The following TPI1 variants were observed in gnomAD, a reference collection of about 807,000 sequenced individuals.
TPI1 encodes the protein triosephosphate isomerase 1, also known as triosephosphate isomerase.
A neutral mutation model predicts 31.0 loss-of-function variants in TPI1; 11 were observed. The ratio of observed to expected loss-of-function variants is 0.36; its 90% CI spans 0.22 to 0.59. TPI1 has a LOEUF of 0.59. Ranked by LOEUF, TPI1 falls within the 20% of genes least tolerant of loss-of-function variation. The pLI is 0.79. For missense variants in TPI1, 245 were observed against 319.7 expected, an observed-to-expected ratio of 0.77 and a Z score of 1.78; for synonymous variants, 121 against 122.8, an observed-to-expected ratio of 0.99 and a Z score of 0.10.
At chr12:6,868,549 C>G (rs1555131961) in intron 1 of TPI1, 2 of 1,294,112 alleles carry the variant, frequency 1.5e-6, no homozygotes, top group South Asian at 2.8e-5. Flanking sequence ...AGGGTTGCTC[C>G]CTGGAGAATG....
chr12:6,870,378 C>T lies in TPI1; in HGVS notation c.745C>T (p.Gln249Ter), dbSNP rs1565538646. ...PEFVDIINAK[Q>*] ...ATTCGTGGACATCATCAATGCCAAA[C>T]AATGAGCCCCATCCATCTTCCCTAC... The change falls in exon 7 of 7, where the codon CAA becomes TAA. Residue 249 changes from glutamine to a stop codon, truncating the protein, a stop_gained. Transcript: ENST00000396705. LOFTEE classifies it high-confidence loss of function. The T allele has an allele frequency of 1.9e-6, 3 of 1,609,200 alleles. No homozygotes were observed. In the South Asian group the frequency reaches 3.3e-5, roughly 18 times the overall value.
chr12:6,869,437 A>G, intron 4 of TPI1, 47 bp downstream of exon 4: 2 of 1,613,038 alleles, frequency 1.2e-6, no homozygotes, highest in Non-Finnish European at 1.7e-6. Flanking sequence ...GGCCACAGAG[A>G]CTCAGAGGGT....
chr12:6,869,728 G>T lies in TPI1; in HGVS notation c.498G>T (p.Glu166Asp). The T allele has an allele frequency of 6.2e-7, 1 of 1,614,230 alleles. No individual in the cohort carries two copies. The highest frequency in any genetic ancestry group is 2.2e-5 in the East Asian group (1 of 44,890). ...GGAGCAAGGTCGTCCTGGCCTATGA[G>T]CCTGTGTGGGCCATTGGTACTGGCA... ...KDWSKVVLAY[E>D]PVWAIGTGKT... Residue 166 changes from glutamate to aspartate, a missense_variant, in exon 5 of 7, where the codon GAG becomes GAT. This residue lies in a region of TPI1 where 127 missense variants were observed against 163.7 expected (regional missense o/e 0.78). Coordinates refer to ENST00000396705, the MANE Select transcript of TPI1 (RefSeq NM_000365.6).
chr12:6,868,614 C>G, intron 1 of TPI1: 2 of 1,359,480 alleles, frequency 1.5e-6, no homozygotes, highest in Admixed American at 2.7e-5. Flanking sequence ...GGAGCCCCAG[C>G]TGTTAAAAGA....
chr12:6,868,697 C>G, intron 1 of TPI1, 167 bp from the exon 2 acceptor site: 2 of 1,378,520 alleles, frequency 1.5e-6, no homozygotes, highest in Non-Finnish European at 2.0e-6. Context: ...GCAGACCCAG[C>G]CTGGGCTGGA....
At position 6,867,688 on chromosome 12, in the gene TPI1, C is replaced by A. The variant is rs1944487274; in HGVS notation, c.115+7C>A. 6.3e-7 allele frequency: 1 copy of A among 1,591,500 alleles called. No individual in the cohort carries two copies. On this transcript the variant is annotated splice_region_variant and intron_variant, in intron 1 of 6. Transcript: ENST00000396705. Reference sequence around the variant, plus strand: ...AAGGTGCCGGCCGACACCGGTAAGCCCTCGCCGAGGAGGGGTCTGGCCGGG... The same window carrying A: ...AAGGTGCCGGCCGACACCGGTAAGCACTCGCCGAGGAGGGGTCTGGCCGGG...
intron 1 of TPI1, chr12:6,868,189 A>G (rs1944502221): frequency 3.9e-6 from 5 of 1,287,878 alleles, no homozygotes; most frequent in Non-Finnish European, 5.1e-6. Context: ...CCCTTCGGCA[A>G]CCTGAACGAC....
rs1401536509 is a variant in TPI1 at position 6,870,298 on chromosome 12, C to A, written c.665C>A (p.Ala222Asp). The change falls in exon 7 of 7, where the codon GCC (alanine) becomes GAC (aspartate). Residue 222 changes from alanine to aspartate, a missense_variant. By Grantham distance (126) the Ala-to-Asp change is moderately radical. Transcript: ENST00000396705. ...SVTGATCKEL[A>D]SQPDVDGFLV... Reference sequence around the variant, plus strand: ...ACTGGGGCAACCTGCAAGGAGCTGGCCAGCCAGCCTGATGTGGATGGCTTC... The same window carrying A: ...ACTGGGGCAACCTGCAAGGAGCTGGACAGCCAGCCTGATGTGGATGGCTTC... The A allele has an allele frequency of 1.9e-6, 3 of 1,614,066 alleles. No individual in the cohort carries two copies. Among genetic ancestry groups the A allele is most frequent in the Non-Finnish European group, 2.5e-6 (3 of 1,180,024 alleles).
rs1944564846 is a variant in TPI1 at position 6,870,548 on chromosome 12, A to C, written c.*165A>C. 2.6e-6 allele frequency: 2 copies of C among 774,250 alleles called. No individual in the cohort carries two copies. Among genetic ancestry groups the C allele is most frequent in the Non-Finnish European group, 4.8e-6 (2 of 418,386 alleles). The allele number at this position is 774,250 out of a possible 1,614,324, so 48.0% of individuals were successfully genotyped here. On this transcript the variant is annotated 3_prime_UTR_variant, in exon 7 of 7. Transcript: ENST00000396705. ...TTACTGTTTATATCTTCACCCTGTA[A>C]TGGTTGGGACCAGGCCAATCCCTTC...
rs141765645 is a variant in TPI1 at position 6,869,308 on chromosome 12, C to G, written c.375C>G (p.Ile125Met). ...AHALAEGLGV[I>M]ACIGEKLDER... is the part of the protein sequence containing the mutation. Reference sequence around the variant, plus strand: ...CTCTGGCAGAGGGACTCGGAGTAATCGCCTGCATTGGGGAGAAGCTAGATG... The same window carrying G: ...CTCTGGCAGAGGGACTCGGAGTAATGGCCTGCATTGGGGAGAAGCTAGATG... The change falls in exon 4 of 7, where the codon ATC becomes ATG. Residue 125 changes from isoleucine (I) to methionine (M), a missense_variant. Around this residue, in one of 3 missense-constraint regions of TPI1, gnomAD observed 127 missense variants for 163.7 expected, o/e 0.78. Transcript: ENST00000396705. 36 of 1,613,912 alleles carry G rather than the reference C, an allele frequency of 2.2e-5. No individual in the cohort carries two copies. The highest frequency in any genetic ancestry group is 5.3e-5 in the African/African-American group (4 of 74,886).
At chr12:6,868,722 C>A in intron 1 of TPI1, 142 bp from the exon 2 acceptor site, 1 of 1,432,614 alleles carries the variant, frequency 7.0e-7, no homozygotes, top group Non-Finnish European at 9.5e-7. Flanking sequence ...GGACAAAGGT[C>A]ATCTTGCTGG....
intron 1 of TPI1, chr12:6,868,135 G>C (rs1555131774): frequency 7.9e-7 from 1 of 1,264,926 alleles, no homozygotes; most frequent in Admixed American, 2.4e-5. Flanking sequence ...CCGCGTCCCC[G>C]CGCCGAGCTG....
chr12:6,868,692 C>T, intron 1 of TPI1, 172 bp from the exon 2 acceptor site: 2 of 1,361,258 alleles, frequency 1.5e-6, no homozygotes, highest in East Asian at 5.0e-5. Context: ...TGAGTGCAGA[C>T]CCAGCCTGGG....
Position 6,867,571 on chromosome 12 carries a change from C to A in TPI1, c.5C>A (p.Ala2Glu), listed in dbSNP as rs781891860. The A allele has an allele frequency of 1.2e-6, 2 of 1,612,252 alleles. No homozygotes were observed. Among genetic ancestry groups the A allele is most frequent in the Non-Finnish European group, 1.7e-6 (2 of 1,179,544 alleles). Reference sequence around the variant, plus strand: ...CAGCGCCTCGGCTCCAGCGCCATGGCGCCCTCCAGGAAGTTCTTCGTTGGG... The same window carrying A: ...CAGCGCCTCGGCTCCAGCGCCATGGAGCCCTCCAGGAAGTTCTTCGTTGGG... M[A>E]PSRKFFVGGN... is the part of the protein sequence containing the mutation. Residue 2 changes from alanine (A) to glutamate (E), a missense_variant, in exon 1 of 7, where the codon GCG (alanine) becomes GAG (glutamate). By Grantham distance (107) the Ala-to-Glu change is moderately radical (BLOSUM62 -1). Around this residue, in one of 3 missense-constraint regions of TPI1, gnomAD observed 95 missense variants for 96.4 expected, o/e 0.99. Coordinates refer to ENST00000396705, the MANE Select transcript of TPI1 (RefSeq NM_000365.6).
At chr12:6,867,423 CG>C (rs530718769), upstream of TPI1, 17 of 1,092,054 alleles carry the variant, frequency 1.6e-5, no homozygotes, top group Admixed American at 4.7e-5. Context: ...GGAGGGCGGG[CG>C]GGGGGCAGGG....
intron 1 of TPI1, 27 bp from the exon 2 acceptor site, chr12:6,868,837 C>G: frequency 6.2e-7 from 1 of 1,606,372 alleles, no homozygotes. Context: ...TTAGTCTCAT[C>G]CCCCTGTGGT....
At position 6,868,346 on chromosome 12, in the gene TPI1, G is replaced by T. The variant is rs1221684073; in HGVS notation, c.116-518G>T. 6 of 1,287,762 alleles carry T rather than the reference G, an allele frequency of 4.7e-6. No homozygotes were observed. The Admixed American group carries it at 1.4e-4, about 30-fold the overall frequency. The allele number at this position is 1,287,762 out of a possible 1,614,324, so 79.8% of individuals were successfully genotyped here. ...TAGGTCTCTGCCACCCACGGGCAAA[G>T]GATGCTCTCCTCCATCCTCCTTCCT... On this transcript the variant is annotated intron_variant, in intron 1 of 6. Transcript: ENST00000396705.
In TPI1 at chr12:6,870,818, C is replaced by T. The variant is rs1371416830; in HGVS notation, c.*435C>T. On this transcript the variant is annotated 3_prime_UTR_variant, in exon 7 of 7. Transcript: ENST00000396705. ...GAACCACCCATGTGAGGGAATAAAC[C>T]TGGCACTAGGTCTTGTGGTTTGTCT... 3 of 525,600 alleles carry T rather than the reference C, an allele frequency of 5.7e-6. No individual in the cohort carries two copies. The highest frequency in any genetic ancestry group is 4.9e-5 in the East Asian group (1 of 20,358). The allele number at this position is 525,600 out of a possible 1,614,324, so 32.6% of individuals were successfully genotyped here.
chr12:6,868,749 G>GC, intron 1 of TPI1, 115 bp from the exon 2 acceptor site: 3 of 1,490,886 alleles, frequency 2.0e-6, no homozygotes, highest in Non-Finnish European at 2.7e-6. Context: ...AAGGGGGAGA[G>GC]CAGAACCAAG....
Sources: allele counts gnomAD v4.1 joint callset, GRCh38; gene constraint gnomAD v4.1.1; regional missense constraint gnomAD v4.1.1; transcripts MANE v1.5; gene names NCBI Gene and HGNC (gene_info 2026-07-23, HGNC 2026-07-21).